The following NRXN3 variants were observed in gnomAD, a reference collection of about 807,000 sequenced individuals.
The protein encoded by NRXN3 is neurexin 3, also known as neurexin III.
NRXN3 carries 32 observed loss-of-function variants against 137.6 expected under a neutral mutation model. The observed-to-expected ratio is 0.23, with a 90% confidence interval of 0.18 to 0.31. The LOEUF (loss-of-function observed/expected upper bound fraction) is 0.31, where lower values mean the gene tolerates loss of function less well. NRXN3 is among the 10% of genes least tolerant of loss of function. NRXN3 has a pLI of 1.00. For missense variants in NRXN3, 1,574 were observed against 2,062.5 expected, an observed-to-expected ratio of 0.76 and a Z score of 4.59; for synonymous variants, 798 against 784.5, an observed-to-expected ratio of 1.02 and a Z score of -0.29.
intron 16 of NRXN3, among the ~76,000 whole-genome samples, chr14:79,631,387 G>A (rs1816146): frequency 6.6e-6 from 1 of 152,136 alleles, no homozygotes; most frequent in South Asian, 2.1e-4. Context: ...AGTCCGCCGC[G>A]GCGCTGTGGG....
At chr14:78,556,817 AGTTG>A (rs2096741068) in intron 4 of NRXN3, among the ~76,000 whole-genome samples, 1 of 151,372 alleles carries the variant, frequency 6.6e-6, no homozygotes, top group Non-Finnish European at 1.5e-5. Flanking sequence ...TCTCCCTAGC[AGTTG>A]ATGGTAAAAA....
chr14:79,651,103 A>G (rs1331777384), intron 16 of NRXN3, among the ~76,000 whole-genome samples: 2 of 152,202 alleles, frequency 1.3e-5, no homozygotes, highest in Non-Finnish European at 2.9e-5. Flanking sequence ...CACCTCTAGG[A>G]CTTCAATTTG....
intron 11 of NRXN3, among the ~76,000 whole-genome samples, chr14:78,964,195 C>CT (rs1390399688): frequency 1.3e-5 from 2 of 152,142 alleles, no homozygotes; most frequent in Non-Finnish European, 2.9e-5. Context: ...ACAATCCTCC[C>CT]TTTTTTTGTC....
At chr14:79,799,727 C>T (rs2099171202) in intron 19 of NRXN3, among the ~76,000 whole-genome samples, 1 of 152,146 alleles carries the variant, frequency 6.6e-6, no homozygotes, top group South Asian at 2.1e-4. Flanking sequence ...ACTGCCTGTC[C>T]CTGAGGGCTC....
rs1335377422 is a variant in NRXN3 at position 79,133,747 on chromosome 14, A to C, written c.3262+145606A>C. Among the ~76,000 whole-genome samples, 3 of 151,828 alleles carry C rather than the reference A, an allele frequency of 2.0e-5. No individual in the cohort carries two copies. The East Asian group carries it at 5.8e-4, about 29-fold the overall frequency. On this transcript the variant is annotated intron_variant, in intron 15 of 20. Transcript: ENST00000335750. Reference sequence around the variant, plus strand: ...GAGACTATCCTGGCTAACATGGTGAAATCCTGTCTCTACTAAAAATACAAA... The same window carrying C: ...GAGACTATCCTGGCTAACATGGTGACATCCTGTCTCTACTAAAAATACAAA...
At chr14:79,126,780 C>G (rs1388397253) in intron 15 of NRXN3, among the ~76,000 whole-genome samples, 1 of 152,172 alleles carries the variant, frequency 6.6e-6, no homozygotes, top group Non-Finnish European at 1.5e-5. Flanking sequence ...AACTAGTTTA[C>G]AGTCCCACCA....
Position 78,744,521 on chromosome 14 carries a change from C to A in NRXN3, c.2044+29382C>A, listed in dbSNP as rs1367087970. ...CCACGATTCATACATTTTTATGTGG[C>A]AGCTTCCTTGAAAGGGAACAAACGT... is the stretch of plus-strand genomic sequence containing the variant. On this transcript the variant is annotated intron_variant, in intron 8 of 20. Coordinates refer to ENST00000335750, the MANE Select transcript of NRXN3 (RefSeq NM_001330195.2). 6 of 152,138 alleles carry A rather than the reference C, an allele frequency of 3.9e-5. No homozygotes were observed. The East Asian group carries it at 9.6e-4, about 24-fold the overall frequency. 9.4% of individuals were successfully genotyped at this position (152,138 alleles called of 1,614,324 possible). A position where few individuals can be genotyped will look rare whatever the true frequency, so the allele number is the denominator to read the frequency against.
At chr14:79,777,826 A>T (rs954083325) in intron 19 of NRXN3, among the ~76,000 whole-genome samples, 1 of 151,894 alleles carries the variant, frequency 6.6e-6, no homozygotes, top group Non-Finnish European at 1.5e-5. Flanking sequence ...TATAAAAAAA[A>T]ATTTAACAGG....
intron 2 of NRXN3, among the ~76,000 whole-genome samples, chr14:78,277,515 T>C (rs1417908935): frequency 6.6e-6 from 1 of 152,168 alleles, no homozygotes; most frequent in Non-Finnish European, 1.5e-5. Context: ...TATATAAGTC[T>C]CTCTACTTTT....
intron 15 of NRXN3, among the ~76,000 whole-genome samples, chr14:79,399,871 C>T (rs1487891630): frequency 2.0e-5 from 3 of 152,112 alleles, no homozygotes; most frequent in Admixed American, 6.6e-5. Context: ...GGGGAGAATT[C>T]TTCCTTGCCT....
chr14:78,952,001 G>A (rs1290852133), intron 10 of NRXN3, among the ~76,000 whole-genome samples: 3 of 152,144 alleles, frequency 2.0e-5, no homozygotes, highest in Non-Finnish European at 4.4e-5. Context: ...GTTTTAACTA[G>A]AAGCAGGGGC....
intron 15 of NRXN3, among the ~76,000 whole-genome samples, chr14:79,326,808 AG>A: frequency 6.6e-6 from 1 of 152,196 alleles, no homozygotes; most frequent in East Asian, 1.9e-4. Context: ...ATACGAACAG[AG>A]GTTTTAAAAA....
intron 15 of NRXN3, among the ~76,000 whole-genome samples, chr14:78,989,488 A>G (rs187999634): frequency 1.1e-4 from 16 of 152,308 alleles, no homozygotes; most frequent in Non-Finnish European, 4.4e-5. Flanking sequence ...TTACATAAGC[A>G]TATGTCTCTG....
At chr14:78,248,779 A>G (rs2153459180) in intron 2 of NRXN3, among the ~76,000 whole-genome samples, 1 of 152,274 alleles carries the variant, frequency 6.6e-6, no homozygotes, top group Non-Finnish European at 1.5e-5. Flanking sequence ...CTCCTTTCTA[A>G]GTCTTCCCTG....
At chr14:79,623,660 C>T (rs1388249372) in intron 16 of NRXN3, among the ~76,000 whole-genome samples, 1 of 152,154 alleles carries the variant, frequency 6.6e-6, no homozygotes, top group Non-Finnish European at 1.5e-5. Context: ...AAAGGAATGA[C>T]AACTCATTTG....
At chr14:78,745,057 A>G (rs2098600918) in intron 8 of NRXN3, 1 of 152,238 alleles carries the variant, frequency 6.6e-6, no homozygotes, top group Non-Finnish European at 1.5e-5. Context: ...TCAGTTTACT[A>G]ATGTAGAATA....
At chr14:78,618,704 C>A (rs1272329166) in intron 4 of NRXN3, among the ~76,000 whole-genome samples, 4 of 152,246 alleles carry the variant, frequency 2.6e-5, no homozygotes, top group Non-Finnish European at 5.9e-5. Flanking sequence ...TTCAAACAAT[C>A]CATGAAGTAA....
chr14:79,709,144 C>A (rs1189435519), intron 19 of NRXN3, among the ~76,000 whole-genome samples: 1 of 152,116 alleles, frequency 6.6e-6, no homozygotes, highest in South Asian at 2.1e-4. Flanking sequence ...TCAGATCGTG[C>A]ACTTCTAACA....
intron 19 of NRXN3, among the ~76,000 whole-genome samples, chr14:79,782,826 G>GA (rs1235937488): frequency 6.6e-6 from 1 of 152,080 alleles, no homozygotes; most frequent in Non-Finnish European, 1.5e-5. Context: ...GAATTTTTCT[G>GA]AGTTTTATTC....
Sources: gnomAD v4.1 joint callset for allele counts (sites outside exome capture counted in the v4.1 genomes callset) on GRCh38, gnomAD v4.1.1 for gene constraint, MANE v1.5 for transcripts, NCBI Gene and HGNC (gene_info 2026-07-23, HGNC 2026-07-21) for gene names.